PTPN3: variants seen among roughly 807,000 people sequenced by gnomAD.
PTPN3 encodes protein tyrosine phosphatase non-receptor type 3, also known as tyrosine-protein phosphatase non-receptor type 3.
Under a neutral mutation model 132.7 loss-of-function variants are expected in PTPN3, and 96 were observed. The ratio of observed to expected loss-of-function variants is 0.72; its 90% CI spans 0.61 to 0.86. PTPN3 has a LOEUF of 0.86. Among genes scored for constraint, PTPN3 ranks in the 40% least tolerant of loss-of-function variants. The pLI, the probability that PTPN3 is intolerant of heterozygous loss-of-function variation, is 0.00. For synonymous variants in PTPN3, 398 were observed against 429.0 expected (o/e 0.93, Z 0.89); for missense variants, 1,125 against 1,159.6 (o/e 0.97, Z 0.43).
intron 22 of PTPN3, among the ~76,000 whole-genome samples, chr9:109,383,765 G>T (rs1839327524): frequency 6.6e-6 from 1 of 152,160 alleles, no homozygotes; most frequent in African/African-American, 2.4e-5. Context: ...CTCAGCCCCA[G>T]GCTGCAGCCT....
chr9:109,516,676 A>T, the PTPN3 span, among the ~76,000 whole-genome samples: 1 of 152,170 alleles, frequency 6.6e-6, no homozygotes, highest in Non-Finnish European at 1.5e-5. Flanking sequence ...GGGGAGTAAC[A>T]CATTTGTATT....
chr9:109,497,911 C>A (rs1415288559), intron 1 of PTPN3, among the ~76,000 whole-genome samples: 2 of 149,614 alleles, frequency 1.3e-5, no homozygotes, highest in Non-Finnish European at 3.0e-5. Context: ...TGCGCCCGCC[C>A]CTGCCCGGCT....
Position 109,498,048 on chromosome 9 carries a change from C to G in PTPN3, c.-18+171G>C, listed in dbSNP as rs1319176346. Among the ~76,000 whole-genome samples, 2 of 145,686 alleles carry G rather than the reference C, an allele frequency of 1.4e-5. No individual in the cohort carries two copies. The highest frequency in any genetic ancestry group is 6.8e-5 in the Admixed American group (1 of 14,714). ...AGGTGAGCGCAGCGGGGCGCCCCCT[C>G]CCCGCCCCGACGTGGTGCGGGGATC... On this transcript the variant is annotated intron_variant, in intron 1 of 25. Coordinates refer to ENST00000374541, the MANE Select transcript of PTPN3 (RefSeq NM_002829.4). This position sits in a 1 kb window ranked among gnomAD's most constrained non-coding sequence, Gnocchi z 4.2.
chr9:109,460,447 G>A (rs1845789825), intron 2 of PTPN3, among the ~76,000 whole-genome samples: 1 of 152,056 alleles, frequency 6.6e-6, no homozygotes, highest in South Asian at 2.1e-4. Context: ...AAAAAAGCCA[G>A]TGCCCTCAGA....
intron 15 of PTPN3, 38 bp downstream of exon 15, chr9:109,410,191 T>C (rs576055297): frequency 1.2e-6 from 2 of 1,611,716 alleles, no homozygotes; most frequent in South Asian, 2.2e-5. Flanking sequence ...CGGGAAGCCC[T>C]GGGTGTGTGG....
chr9:109,447,540 G>A (rs1467330550), intron 6 of PTPN3, among the ~76,000 whole-genome samples: 2 of 152,096 alleles, frequency 1.3e-5, no homozygotes, highest in African/African-American at 2.4e-5. Flanking sequence ...ATGGCAGGAT[G>A]AGCTAAGTGA....
intron 1 of PTPN3, among the ~76,000 whole-genome samples, chr9:109,488,896 C>T (rs1847333485): frequency 6.6e-6 from 1 of 152,204 alleles, no homozygotes; most frequent in Admixed American, 6.5e-5. Flanking sequence ...CAATGCCCAT[C>T]CTCTTCTGCC....
At chr9:109,441,473 G>A (rs967364745) in intron 7 of PTPN3, among the ~76,000 whole-genome samples, 2 of 152,026 alleles carry the variant, frequency 1.3e-5, no homozygotes, top group Non-Finnish European at 2.9e-5. Context: ...CCCTAAGCAG[G>A]ATGAAGTGCA....
chr9:109,382,822 T>C (rs1253280267), intron 23 of PTPN3, among the ~76,000 whole-genome samples: 3 of 151,112 alleles, frequency 2.0e-5, no homozygotes, highest in Admixed American at 1.3e-4. Context: ...CACATTTAAA[T>C]GTACAGTTCA....
chr9:109,397,940 A>G lies in PTPN3; in HGVS notation c.1954-6379T>C, dbSNP rs193255888. On this transcript the variant is annotated intron_variant, in intron 19 of 25. Coordinates refer to ENST00000374541, the MANE Select transcript of PTPN3 (RefSeq NM_002829.4). The stretch of plus-strand genomic sequence containing the variant: ...TCTTTCCTTAAAAAACAAACAAACA[A>G]ACAAAAACAACAAACTATTTGGAAA... 3.1e-3 allele frequency among the ~76,000 whole-genome samples: 467 copies of G among 152,308 alleles called. 1 individual carries two copies. The highest frequency in any genetic ancestry group is 5.0e-3 in the Non-Finnish European group (339 of 68,022).
the PTPN3 span, among the ~76,000 whole-genome samples, chr9:109,523,702 G>A: frequency 6.6e-6 from 1 of 152,406 alleles, no homozygotes; most frequent in African/African-American, 2.4e-5. Context: ...ATGCTCAAAT[G>A]TGGTAACTTC....
At chr9:109,415,761 G>T (rs1842443065) in intron 14 of PTPN3, among the ~76,000 whole-genome samples, 1 of 152,174 alleles carries the variant, frequency 6.6e-6, no homozygotes, top group African/African-American at 2.4e-5. Flanking sequence ...AAGGAGGAGT[G>T]AGGGACGACT....
intron 11 of PTPN3, among the ~76,000 whole-genome samples, chr9:109,427,690 C>T (rs1843376964): frequency 6.6e-6 from 1 of 152,232 alleles, no homozygotes; most frequent in African/African-American, 2.4e-5. Flanking sequence ...CACCCTGAAT[C>T]TTGCACTGAG....
chr9:109,443,879 T>C (rs1481861581), intron 7 of PTPN3, among the ~76,000 whole-genome samples: 2 of 152,158 alleles, frequency 1.3e-5, no homozygotes, highest in African/African-American at 4.8e-5. Context: ...GTGAATAGGG[T>C]CATCTTTGAT....
intron 19 of PTPN3, among the ~76,000 whole-genome samples, chr9:109,396,379 CT>C (rs1055201458): frequency 2.0e-4 from 30 of 151,944 alleles, no homozygotes; most frequent in Admixed American, 3.3e-4. Flanking sequence ...AGAACCTTCA[CT>C]TTTTTTTCAT....
chr9:109,392,908 T>C (rs1420976448), intron 19 of PTPN3: 4 of 152,208 alleles, frequency 2.6e-5, no homozygotes, highest in Non-Finnish European at 4.4e-5. Context: ...CCGGCTATAT[T>C]GGCACTTCTT....
At chr9:109,450,566 A>G in intron 5 of PTPN3, 1 of 985,114 alleles carries the variant, frequency 1.0e-6, no homozygotes, top group Non-Finnish European at 1.2e-6. Context: ...ATCATACACA[A>G]AGAAACTAGA....
chr9:109,392,788 G>C (rs1302877280), intron 19 of PTPN3: 1 of 152,096 alleles, frequency 6.6e-6, no homozygotes, highest in Non-Finnish European at 1.5e-5. Context: ...ATTTTTAGTA[G>C]AGACAGGGTT....
chr9:109,424,581 A>G lies in PTPN3; in HGVS notation c.1002-1729T>C, dbSNP rs536118327. 2.4e-4 allele frequency among the ~76,000 whole-genome samples: 37 copies of G among 152,358 alleles called. No homozygotes were observed. The South Asian group carries it at 5.8e-3, about 24-fold the overall frequency. On this transcript the variant is annotated intron_variant, in intron 12 of 25. Transcript: ENST00000374541. ...CTGGAACCCTGAGTGTCCATGTAAG[A>G]AATTCAACCACCCTCCTGGAGTATC...
Sources: gnomAD v4.1 joint callset for allele counts (sites outside exome capture counted in the v4.1 genomes callset) on GRCh38, gnomAD v4.1.1 for gene constraint, Gnocchi (gnomAD v3.1) non-coding constraint, MANE v1.5 for transcripts, NCBI Gene and HGNC (gene_info 2026-07-23, HGNC 2026-07-21) for gene names.